The following CD86 variants were observed in gnomAD, a reference collection of about 807,000 sequenced individuals.
The protein encoded by CD86 is CD86 molecule.
CD86 carries 11 observed loss-of-function variants against 32.1 expected under a neutral mutation model. The ratio of observed to expected loss-of-function variants is 0.34; its 90% confidence interval spans 0.22 to 0.57. The LOEUF (loss-of-function observed/expected upper bound fraction) is 0.57, where lower values mean the gene tolerates loss of function less well. CD86 is among the 20% of genes least tolerant of loss of function. The pLI, the probability that CD86 is intolerant of heterozygous loss-of-function variation, is 0.86. For synonymous variants in CD86, 137 were observed against 135.3 expected (o/e 1.01, Z -0.09); for missense variants, 359 against 398.4 (o/e 0.90, Z 0.84).
intron 1 of CD86, among the ~76,000 whole-genome samples, chr3:122,072,235 G>T (rs1284988169): frequency 2.7e-5 from 4 of 148,694 alleles, no homozygotes; most frequent in Non-Finnish European, 3.0e-5. Context: ...AGTCCTTTGG[G>T]TATATACCCA....
intron 5 of CD86, among the ~76,000 whole-genome samples, chr3:122,116,690 T>C (rs1226866583): frequency 6.6e-6 from 1 of 152,140 alleles, no homozygotes; most frequent in Non-Finnish European, 1.5e-5. Context: ...ATTTATACAA[T>C]GAAATACTGC....
At chr3:122,119,406 A>C (rs917149519) in intron 6 of CD86, 32 bp from the exon 7 acceptor site, 8 of 1,295,456 alleles carry the variant, frequency 6.2e-6, no homozygotes, top group Non-Finnish European at 9.0e-6. Flanking sequence ...CAAATGTGAA[A>C]TATCACCTAA....
At chr3:122,088,340 T>C (rs964070216) in intron 1 of CD86, among the ~76,000 whole-genome samples, 4 of 152,218 alleles carry the variant, frequency 2.6e-5, no homozygotes, top group Admixed American at 2.6e-4. Context: ...ACATTTCTTT[T>C]GCCCGCTTTT....
At position 122,103,594 on chromosome 3, in the gene CD86, C is replaced by G. The variant is rs2073044853; in HGVS notation, c.147C>G (p.Ser49Arg). The change falls in exon 3 of 7, where the codon AGC becomes AGG. Residue 49 changes from serine (S) to arginine (R), a missense_variant. Physicochemically the swap from Ser to Arg is moderately radical, Grantham distance 110. Coordinates refer to ENST00000330540, the MANE Select transcript of CD86 (RefSeq NM_175862.5). Reference sequence around the variant, plus strand: ...AATTTGCAAACTCTCAAAACCAAAGCCTGAGTGAGCTAGTAGTATTTTGGC... The same window carrying G: ...AATTTGCAAACTCTCAAAACCAAAGGCTGAGTGAGCTAGTAGTATTTTGGC... ...PCQFANSQNQ[S>R]LSELVVFWQD... is the part of the protein sequence containing the mutation. The G allele has an allele frequency of 6.2e-7, 1 of 1,613,820 alleles. No homozygotes were observed. The highest frequency in any genetic ancestry group is 1.3e-5 in the African/African-American group (1 of 74,874).
chr3:122,079,684 G>A lies in CD86; in HGVS notation c.15-11917G>A, dbSNP rs150528978. ...TCTTCTCCTATACAGTGCTGTTTCC[G>A]AACTGTACATTGGCTTACACTCGGG... On this transcript the variant is annotated intron_variant, in intron 1 of 6. Coordinates refer to ENST00000330540, the MANE Select transcript of CD86 (RefSeq NM_175862.5). 6.1e-4 allele frequency among the ~76,000 whole-genome samples: 93 copies of A among 152,242 alleles called. No individual in the cohort carries two copies. In the East Asian group the frequency reaches 0.016, roughly 27 times the overall value.
intron 5 of CD86, among the ~76,000 whole-genome samples, chr3:122,115,740 C>CAAAAAA (rs769868417): frequency 1.5e-3 from 41 of 27,532 alleles, no homozygotes; most frequent in East Asian, 4.1e-3. Flanking sequence ...AACTCCCTCT[C>CAAAAAA]AAAAAAAAAA....
intron 5 of CD86, among the ~76,000 whole-genome samples, chr3:122,116,816 A>G (rs2073258579): frequency 6.6e-6 from 1 of 152,204 alleles, no homozygotes. Flanking sequence ...ATACAATTTC[A>G]TGTATATGAA....
At chr3:122,083,366 T>C (rs2107518904) in intron 1 of CD86, among the ~76,000 whole-genome samples, 1 of 152,304 alleles carries the variant, frequency 6.6e-6, no homozygotes, top group East Asian at 1.9e-4. Context: ...GTCTCTTCAT[T>C]TTGGCCACAG....
At chr3:122,095,651 A>T (rs1234394063) in intron 2 of CD86, among the ~76,000 whole-genome samples, 1 of 152,192 alleles carries the variant, frequency 6.6e-6, no homozygotes, top group Non-Finnish European at 1.5e-5. Context: ...AGGTGAATAG[A>T]CAGTCGAGAC....
At chr3:122,055,770 T>G (rs187986609) in intron 1 of CD86, among the ~76,000 whole-genome samples, 230 of 152,362 alleles carry the variant, frequency 1.5e-3, no homozygotes, top group Middle Eastern at 3.4e-3. Flanking sequence ...TTACAGTCAT[T>G]GATTTTAGTG....
chr3:122,106,840 G>GCGCACACACA (rs1553754159), intron 4 of CD86, among the ~76,000 whole-genome samples: 18 of 143,476 alleles, frequency 1.3e-4, no homozygotes, highest in Non-Finnish European at 2.0e-4. Context: ...ACATGCGCTT[G>GCGCACACACA]CACACACACA....
At chr3:122,114,592 A>G (rs572141915) in intron 5 of CD86, among the ~76,000 whole-genome samples, 1 of 152,322 alleles carries the variant, frequency 6.6e-6, no homozygotes, top group South Asian at 2.1e-4. Context: ...AACTACAAAC[A>G]TCTCTCGTGA....
chr3:122,056,219 C>A (rs2072232072), intron 1 of CD86, among the ~76,000 whole-genome samples: 2 of 152,256 alleles, frequency 1.3e-5, no homozygotes, highest in South Asian at 4.2e-4. Context: ...ATCTTTCCTG[C>A]CCGCTTCGTG....
intron 1 of CD86, among the ~76,000 whole-genome samples, chr3:122,073,111 G>C (rs2072512370): frequency 6.8e-6 from 1 of 148,094 alleles, no homozygotes; most frequent in Non-Finnish European, 1.5e-5. Flanking sequence ...CCAAAAATCT[G>C]ACAATACCAA....
At chr3:122,065,175 G>C (rs2072396141) in intron 1 of CD86, among the ~76,000 whole-genome samples, 1 of 152,112 alleles carries the variant, frequency 6.6e-6, no homozygotes, top group East Asian at 1.9e-4. Flanking sequence ...GCCAAGCTAT[G>C]AACAACCATG....
intron 1 of CD86, among the ~76,000 whole-genome samples, chr3:122,090,538 G>A (rs1372040396): frequency 6.6e-6 from 1 of 152,160 alleles, no homozygotes; most frequent in Non-Finnish European, 1.5e-5. Context: ...CAAGCATTTA[G>A]CACTGGCCTT....
At chr3:122,068,626 G>A (rs947959289) in intron 1 of CD86, among the ~76,000 whole-genome samples, 3 of 152,188 alleles carry the variant, frequency 2.0e-5, no homozygotes, top group African/African-American at 7.2e-5. Context: ...GTTCTGAAAG[G>A]TGACATCACA....
intron 2 of CD86, among the ~76,000 whole-genome samples, chr3:122,100,597 G>C (rs2072984179): frequency 6.6e-6 from 1 of 152,184 alleles, no homozygotes; most frequent in African/African-American, 2.4e-5. Flanking sequence ...AGCAGCCAGG[G>C]AACACTGAAG....
Position 122,106,373 on chromosome 3 carries a change from T to C in CD86, c.576T>C (p.Asn192=). 3 of 1,614,124 alleles carry C rather than the reference T, an allele frequency of 1.9e-6. No homozygotes were observed. Among genetic ancestry groups the C allele is most frequent in the Non-Finnish European group, 2.5e-6 (3 of 1,179,948 alleles). ...GTGTTATGCAGAAATCTCAAGATAA[T>C]GTCACAGAACTGTACGACGTTTCCA... ...YDGVMQKSQD[N]VTELYDVSIS... The change falls in exon 4 of 7, where the codon AAT becomes AAC. Residue 192 remains asparagine, a synonymous_variant. Transcript: ENST00000330540.
Sources: allele counts gnomAD v4.1 joint callset (sites outside exome capture counted in the v4.1 genomes callset), GRCh38; gene constraint gnomAD v4.1.1; transcripts MANE v1.5; gene names NCBI Gene and HGNC (gene_info 2026-07-23, HGNC 2026-07-21).